Variants in CRYBG3 observed in about 807,000 individuals in gnomAD.
CRYBG3 encodes very large A-kinase anchor protein.
A neutral mutation model predicts 244.2 loss-of-function variants in CRYBG3; 127 were observed. The observed-to-expected ratio is 0.52, with a 90% confidence interval of 0.45 to 0.60. CRYBG3 has a LOEUF of 0.60. Among genes scored for constraint, CRYBG3 ranks in the 20% least tolerant of loss-of-function variants. The pLI is 0.00. For synonymous variants in CRYBG3, 1,132 were observed against 1,195.8 expected (o/e 0.95, Z 1.10); for missense variants, 3,325 against 3,442.5 (o/e 0.97, Z 0.85).
intron 17 of CRYBG3, among the ~76,000 whole-genome samples, chr3:97,926,013 T>C (rs184874482): frequency 6.6e-6 from 1 of 152,134 alleles, no homozygotes; most frequent in Non-Finnish European, 1.5e-5. Context: ...GTCCTGACTC[T>C]ACCATTAATA....
At position 97,892,954 on chromosome 3, in the gene CRYBG3, A is replaced by T; in HGVS notation, c.7535A>T (p.Asp2512Val). Residue 2512 changes from aspartate (D) to valine (V), a missense_variant, in exon 11 of 22, where the codon GAT becomes GTT. This residue lies in a region of CRYBG3 where 714 missense variants were observed against 803.6 expected (regional missense o/e 0.89). Coordinates refer to ENST00000389622, the MANE Select transcript of CRYBG3 (RefSeq NM_153605.4). Reference protein sequence around the residue: ...SVPNFLKNNGDFHRIGSIRVI... With the variant: ...SVPNFLKNNGVFHRIGSIRVI... Reference sequence around the variant, plus strand: ...CCTAATTTTTTGAAAAATAATGGAGATTTTCACAGAATTGGATCAATTCGT... The same window carrying T: ...CCTAATTTTTTGAAAAATAATGGAGTTTTTCACAGAATTGGATCAATTCGT... 6.2e-7 allele frequency: 1 copy of T among 1,603,504 alleles called. No individual in the cohort carries two copies. The highest frequency in any genetic ancestry group is 8.5e-7 in the Non-Finnish European group (1 of 1,175,850).
intron 6 of CRYBG3, 84 bp downstream of exon 6, chr3:97,880,184 T>C: frequency 1.5e-6 from 1 of 673,984 alleles, no homozygotes; most frequent in Non-Finnish European, 2.5e-6. Context: ...TTCTATTTTT[T>C]ATTGAAGTCA....
intron 3 of CRYBG3, among the ~76,000 whole-genome samples, chr3:97,870,566 T>A (rs78405507): frequency 1.3e-5 from 2 of 152,140 alleles, no homozygotes; most frequent in African/African-American, 4.8e-5. Flanking sequence ...GATTTCATGT[T>A]TTTGCTATTG....
At chr3:97,905,000 G>A (rs1325046546) in intron 15 of CRYBG3, among the ~76,000 whole-genome samples, 1 of 150,236 alleles carries the variant, frequency 6.7e-6, no homozygotes, top group Non-Finnish European at 1.5e-5. Flanking sequence ...TTGGTTTTTT[G>A]TTCTTGCGAT....
chr3:97,857,693 T>C (rs1183579453), intron 2 of CRYBG3, among the ~76,000 whole-genome samples: 1 of 152,082 alleles, frequency 6.6e-6, no homozygotes, highest in Non-Finnish European at 1.5e-5. Context: ...CCATTTACTT[T>C]CATTCTGTAT....
intron 17 of CRYBG3, among the ~76,000 whole-genome samples, chr3:97,924,992 A>G (rs970799122): frequency 6.6e-6 from 1 of 152,018 alleles, no homozygotes. Context: ...GGTTTAGTGT[A>G]CCGAATATAA....
In CRYBG3 at chr3:97,876,859, C is replaced by T. The variant is rs1489545099; in HGVS notation, c.5665C>T (p.Pro1889Ser). The T allele has an allele frequency of 1.5e-6, 2 of 1,377,924 alleles. No homozygotes were observed. The highest frequency in any genetic ancestry group is 1.9e-6 in the Non-Finnish European group (2 of 1,066,676). The allele number at this position is 1,377,924 out of a possible 1,614,324, so 85.4% of individuals were successfully genotyped here. The change falls in exon 4 of 22, where the codon CCT (proline) becomes TCT (serine). Residue 1889 changes from proline (P) to serine (S), a missense_variant. This residue lies in a region of CRYBG3 where 635 missense variants were observed against 771.7 expected (regional missense o/e 0.82). Coordinates refer to ENST00000389622, the MANE Select transcript of CRYBG3 (RefSeq NM_153605.4). ...LTTKQGEAML[P>S]AFESKTPQEY... is the part of the protein sequence containing the mutation. ...CACTAAACAAGGGGAGGCCATGCTT[C>T]CTGCATTTGAAAGTAAAACACCACA...
Position 97,899,207 on chromosome 3 carries a change from T to C in CRYBG3, c.7915T>C (p.Phe2639Leu). The change falls in exon 14 of 22, where the codon TTT becomes CTT. Residue 2639 changes from phenylalanine to leucine, a missense_variant. Coordinates refer to ENST00000389622, the MANE Select transcript of CRYBG3 (RefSeq NM_153605.4). ...YILEKGKYKC[F>L]FDWGGSNNII... Reference sequence around the variant, plus strand: ...TTTAGAAAAAGGGAAATACAAATGCTTTTTTGACTGGGGAGGATCAAATAA... The same window carrying C: ...TTTAGAAAAAGGGAAATACAAATGCCTTTTTGACTGGGGAGGATCAAATAA... 6.2e-7 allele frequency: 1 copy of C among 1,613,674 alleles called. No individual in the cohort carries two copies. Among genetic ancestry groups the C allele is most frequent in the Non-Finnish European group, 8.5e-7 (1 of 1,179,692 alleles).
intron 17 of CRYBG3, among the ~76,000 whole-genome samples, chr3:97,917,409 A>C (rs983199230): frequency 6.6e-6 from 1 of 152,186 alleles, no homozygotes; most frequent in Non-Finnish European, 1.5e-5. Context: ...GAATATATTC[A>C]GTTTATGTAA....
chr3:97,859,299 C>T (rs1288719811), intron 2 of CRYBG3, among the ~76,000 whole-genome samples: 1 of 152,130 alleles, frequency 6.6e-6, no homozygotes, highest in Non-Finnish European at 1.5e-5. Flanking sequence ...TGAGGGTGCA[C>T]ATTTGATGCT....
rs1333358723 is a variant in CRYBG3 at position 97,822,158 on chromosome 3, C to T, written c.-49C>T. 7.5e-6 allele frequency: 11 copies of T among 1,457,618 alleles called. No homozygotes were observed. Among genetic ancestry groups the T allele is most frequent in the Admixed American group, 2.3e-5 (1 of 43,092 alleles). 90.3% of individuals were successfully genotyped at this position (1,457,618 alleles called of 1,614,324 possible). ...GTCGGGCTCCGGGCACCAGGCAACA[C>T]CTAGGCCGTTCCCTTCAGACAGCCC... On this transcript the variant is annotated 5_prime_UTR_variant, in exon 1 of 22. Transcript: ENST00000389622.
intron 2 of CRYBG3, among the ~76,000 whole-genome samples, chr3:97,860,068 AG>A (rs1265632472): frequency 6.6e-6 from 1 of 152,108 alleles, no homozygotes; most frequent in Non-Finnish European, 1.5e-5. Context: ...ATCTCTGAAA[AG>A]GTTTCCCATC....
At chr3:97,892,437 T>C (rs536928807) in intron 10 of CRYBG3, among the ~76,000 whole-genome samples, 1 of 152,276 alleles carries the variant, frequency 6.6e-6, no homozygotes, top group South Asian at 2.1e-4. Context: ...GAGTTACCTA[T>C]ATGTAAACTG....
chr3:97,912,272 G>T lies in CRYBG3; in HGVS notation c.8110G>T (p.Gly2704Cys). 1 of 1,563,010 alleles carries T rather than the reference G, an allele frequency of 6.4e-7. No individual in the cohort carries two copies. The change falls in exon 16 of 22, where the codon GGT becomes TGT. Residue 2704 changes from glycine to cysteine, a missense_variant. Gly to Cys is a radical substitution (Grantham distance 159). Transcript: ENST00000389622. Reference protein sequence around the residue: ...LMPCSFKVLRGCWLLYYQEDM... With the variant: ...LMPCSFKVLRCCWLLYYQEDM... ...GCCATGTTCTTTTAAAGTTCTTCGA[G>T]GTTGGTAAGTATGCTTACTTAGTGG...
chr3:97,914,453 G>T (rs2039906147), intron 16 of CRYBG3, among the ~76,000 whole-genome samples: 1 of 152,088 alleles, frequency 6.6e-6, no homozygotes, highest in South Asian at 2.1e-4. Flanking sequence ...AGTCACACAT[G>T]TCTCTTCATG....
intron 2 of CRYBG3, among the ~76,000 whole-genome samples, chr3:97,859,197 G>A (rs1213540549): frequency 6.6e-6 from 1 of 152,154 alleles, no homozygotes; most frequent in Non-Finnish European, 1.5e-5. Context: ...CAGTTTCTGA[G>A]TGGTGTGTGT....
At chr3:97,926,277 A>G (rs1368386782) in intron 17 of CRYBG3, among the ~76,000 whole-genome samples, 2 of 152,118 alleles carry the variant, frequency 1.3e-5, no homozygotes, top group Non-Finnish European at 2.9e-5. Context: ...ATACAAATCA[A>G]TAAATGTGAT....
intron 2 of CRYBG3, among the ~76,000 whole-genome samples, chr3:97,847,278 T>C (rs2108177482): frequency 6.6e-6 from 1 of 152,286 alleles, no homozygotes; most frequent in East Asian, 1.9e-4. Context: ...TACTTATAAC[T>C]AAAAACAACA....
chr3:97,844,076 T>A (rs1038124346), intron 2 of CRYBG3, among the ~76,000 whole-genome samples: 2 of 152,208 alleles, frequency 1.3e-5, no homozygotes, highest in African/African-American at 4.8e-5. Flanking sequence ...GGGCACTTTT[T>A]AATATTTTTA....
Sources: gnomAD v4.1 joint callset for allele counts (sites outside exome capture counted in the v4.1 genomes callset) on GRCh38, gnomAD v4.1.1 for gene constraint, gnomAD v4.1.1 regional missense constraint, MANE v1.5 for transcripts, NCBI Gene and HGNC (gene_info 2026-07-23, HGNC 2026-07-21) for gene names.